The following PRPH2 variants were observed in gnomAD, a reference collection of about 807,000 sequenced individuals.
The protein encoded by PRPH2 is peripherin-2.
PRPH2 carries 17 observed loss-of-function variants against 31.3 expected under a neutral mutation model. The observed-to-expected ratio is 0.54, with a 90% confidence interval of 0.37 to 0.81. The LOEUF (loss-of-function observed/expected upper bound fraction) is 0.81, where lower values mean the gene tolerates loss of function less well. Among genes scored for constraint, PRPH2 ranks in the 40% least tolerant of loss-of-function variants. PRPH2 has a pLI of 0.00. For missense variants in PRPH2, 430 were observed against 439.7 expected (o/e 0.98, Z 0.20); for synonymous variants, 165 against 184.4 (o/e 0.89, Z 0.85).
intron 1 of PRPH2, among the ~76,000 whole-genome samples, chr6:42,708,521 G>A (rs897661705): frequency 4.3e-4 from 66 of 152,280 alleles, no homozygotes; most frequent in African/African-American, 1.5e-3. Context: ...CCTCTGGAGG[G>A]GCCAGTAGCC....
intron 1 of PRPH2, among the ~76,000 whole-genome samples, chr6:42,721,355 T>C (rs972877684): frequency 6.6e-6 from 1 of 152,232 alleles, no homozygotes; most frequent in African/African-American, 2.4e-5. Flanking sequence ...TGAATCCATC[T>C]ACTTTGAATG....
intron 1 of PRPH2, among the ~76,000 whole-genome samples, chr6:42,705,316 T>C (rs1280065540): frequency 1.3e-5 from 2 of 152,008 alleles, no homozygotes; most frequent in Non-Finnish European, 2.9e-5. Flanking sequence ...AAAAGGGATC[T>C]TTACAGTGAA....
At chr6:42,718,539 T>C (rs1267055443) in intron 1 of PRPH2, among the ~76,000 whole-genome samples, 1 of 152,158 alleles carries the variant, frequency 6.6e-6, no homozygotes, top group African/African-American at 2.4e-5. Flanking sequence ...AAGGTGGCCC[T>C]ATCAGACTGC....
Position 42,722,019 on chromosome 6 carries a change from C to G in PRPH2, c.316G>C (p.Val106Leu). The G allele has an allele frequency of 6.2e-7, 1 of 1,614,088 alleles. No individual in the cohort carries two copies. Among genetic ancestry groups the G allele is most frequent in the Non-Finnish European group, 8.5e-7 (1 of 1,180,028 alleles). The part of the protein sequence containing the change: ...PWLKPYLAIC[V>L]LFNIILFLVA... ...AGGAAGAGGATGATGTTGAAGAGAA[C>G]ACAGATAGCCAGGTACGGCTTCAGC... The change falls in exon 1 of 3, where the codon GTT (valine) becomes CTT (leucine). Residue 106 changes from valine (V) to leucine (L), a missense_variant. Coordinates refer to ENST00000230381, the MANE Select transcript of PRPH2 (RefSeq NM_000322.5). This position sits in a 1 kb window ranked among gnomAD's most constrained non-coding sequence, Gnocchi z 4.4.
Position 42,698,503 on chromosome 6 carries a change from G to A in PRPH2, c.833C>T (p.Thr278Ile). 1 of 1,614,154 alleles carries A rather than the reference G, an allele frequency of 6.2e-7. No individual in the cohort carries two copies. The highest frequency in any genetic ancestry group is 8.5e-7 in the Non-Finnish European group (1 of 1,180,026). ...VTLLIWLFEV[T>I]ITIGLRYLQT... is the part of the protein sequence containing the mutation. ...TAGGTAGCGCAGCCCAATTGTAATG[G>A]TCACCTGGTGGTGGGAGAGGAGATT... Residue 278 changes from threonine (T) to isoleucine (I), a missense_variant, in exon 3 of 3, where the codon ACC becomes ATC. By Grantham distance (89) the Thr-to-Ile change is moderately conservative (BLOSUM62 -1). Transcript: ENST00000230381.
intron 1 of PRPH2, among the ~76,000 whole-genome samples, chr6:42,714,584 T>C (rs755921371): frequency 4.6e-5 from 7 of 152,182 alleles, no homozygotes; most frequent in Non-Finnish European, 7.3e-5. Context: ...TGGTGCAATC[T>C]CAGCTCACTG....
chr6:42,701,635 A>C (rs1263812714), intron 2 of PRPH2, among the ~76,000 whole-genome samples: 1 of 139,970 alleles, frequency 7.1e-6, no homozygotes, highest in Non-Finnish European at 1.5e-5. Flanking sequence ...TGGCCATCCG[A>C]GTACCTGAGT....
chr6:42,715,578 G>A (rs1052107731), intron 1 of PRPH2, among the ~76,000 whole-genome samples: 6 of 152,106 alleles, frequency 3.9e-5, no homozygotes, highest in Non-Finnish European at 7.4e-5. Flanking sequence ...GGCTGAGGCA[G>A]GAGAATCTCT....
At position 42,712,678 on chromosome 6, in the gene PRPH2, A is replaced by G. The variant is rs142140547; in HGVS notation, c.582-8067T>C. On this transcript the variant is annotated intron_variant, in intron 1 of 2. Coordinates refer to ENST00000230381, the MANE Select transcript of PRPH2 (RefSeq NM_000322.5). ...GTGATCCACCCGCCTCAGCTTCCCA[A>G]AGTGCTGGGATTACAGGCATGAGCC... is the stretch of plus-strand genomic sequence containing the variant. Among the ~76,000 whole-genome samples the G allele has an allele frequency of 1.8e-4, 28 of 151,400 alleles. 2 individuals carry two copies. In the East Asian group the frequency reaches 5.5e-3, roughly 30 times the overall value.
chr6:42,710,322 G>A (rs1356971454), intron 1 of PRPH2, among the ~76,000 whole-genome samples: 3 of 152,208 alleles, frequency 2.0e-5, no homozygotes, highest in Non-Finnish European at 2.9e-5. Flanking sequence ...CCTCATACTG[G>A]GAACTTCCCA....
intron 1 of PRPH2, among the ~76,000 whole-genome samples, chr6:42,714,407 T>C (rs1761733257): frequency 6.6e-6 from 1 of 152,220 alleles, no homozygotes; most frequent in South Asian, 2.1e-4. Flanking sequence ...GAAAATGTTC[T>C]AAAATTGATT....
intron 1 of PRPH2, among the ~76,000 whole-genome samples, chr6:42,713,819 C>G (rs773614225): frequency 6.8e-6 from 1 of 146,972 alleles, no homozygotes; most frequent in Non-Finnish European, 1.5e-5. Flanking sequence ...ACTCAGGAGG[C>G]TGAGGCAGGA....
chr6:42,712,762 C>T lies in PRPH2; in HGVS notation c.582-8151G>A, dbSNP rs565038650. Among the ~76,000 whole-genome samples, 3 of 152,082 alleles carry T rather than the reference C, an allele frequency of 2.0e-5. No individual in the cohort carries two copies. The South Asian group carries it at 6.2e-4, about 32-fold the overall frequency. On this transcript the variant is annotated intron_variant, in intron 1 of 2. Coordinates refer to ENST00000230381, the MANE Select transcript of PRPH2 (RefSeq NM_000322.5). The stretch of plus-strand genomic sequence containing the variant: ...AGAGACCTTGTGCTCAAGTGATCCT[C>T]CCACCTCAGCCTCCAAGTAGCTGGA...
At chr6:42,721,256 A>G (rs2152010710) in intron 1 of PRPH2, among the ~76,000 whole-genome samples, 1 of 152,348 alleles carries the variant, frequency 6.6e-6, no homozygotes, top group South Asian at 2.1e-4. Flanking sequence ...TCTTTCCAAC[A>G]TATCCAGACA....
chr6:42,702,101 G>A lies in PRPH2; in HGVS notation c.828+2264C>T, dbSNP rs139050912. 6.4e-4 allele frequency among the ~76,000 whole-genome samples: 98 copies of A among 152,180 alleles called. 2 individuals are homozygous for A. The East Asian group carries it at 8.1e-3, about 13-fold the overall frequency. On this transcript the variant is annotated intron_variant, in intron 2 of 2. Transcript: ENST00000230381. ...ACTAAAAATACAAAATCAGCCAGGC[G>A]TGGTGGTGGGCGCCTGTAATCCCAG...
At chr6:42,704,916 A>C (rs891533945) in intron 1 of PRPH2, among the ~76,000 whole-genome samples, 18 of 152,330 alleles carry the variant, frequency 1.2e-4, no homozygotes, top group African/African-American at 3.8e-4. Context: ...TGCCTGGTGC[A>C]TAGGTGGGTA....
intron 1 of PRPH2, among the ~76,000 whole-genome samples, chr6:42,716,603 G>C (rs375490794): frequency 7.6e-6 from 1 of 131,212 alleles, no homozygotes; most frequent in East Asian, 2.2e-4. Context: ...GTTTGGTTTG[G>C]TTTGGTTGGT....
At chr6:42,715,637 C>G (rs962279529) in intron 1 of PRPH2, among the ~76,000 whole-genome samples, 5 of 152,186 alleles carry the variant, frequency 3.3e-5, no homozygotes, top group African/African-American at 1.2e-4. Flanking sequence ...TGCCACTGCA[C>G]TTCAGCCTGG....
chr6:42,708,569 T>C (rs7742623), intron 1 of PRPH2, among the ~76,000 whole-genome samples: 81,680 of 151,914 alleles, frequency 0.54, 22,185 homozygotes, highest in African/African-American at 0.62. Flanking sequence ...TGCAGTGGTC[T>C]CTCCCTTCTT....
Sources: gnomAD v4.1 joint callset for allele counts (sites outside exome capture counted in the v4.1 genomes callset) on GRCh38, gnomAD v4.1.1 for gene constraint, Gnocchi (gnomAD v3.1) non-coding constraint, MANE v1.5 for transcripts, NCBI Gene and HGNC (gene_info 2026-07-23, HGNC 2026-07-21) for gene names.